The following INSR variants were observed in gnomAD, a reference collection of about 807,000 sequenced individuals.
INSR encodes IR.
In INSR, 67 loss-of-function variants were observed where a neutral mutation model predicts 142.6. That is an observed-to-expected ratio of 0.47 (90% CI 0.39 to 0.58). The LOEUF is 0.58. Ranked by LOEUF, INSR falls within the 20% of genes least tolerant of loss-of-function variation. INSR has a pLI of 0.00. For synonymous variants in INSR, 756 were observed against 743.1 expected (o/e 1.02, Z -0.28); for missense variants, 1,248 against 1,833.2 (o/e 0.68, Z 5.83).
intron 1 of INSR, among the ~76,000 whole-genome samples, chr19:7,276,028 AG>A (rs142637679): frequency 0.13 from 20,153 of 152,106 alleles, 1,478 homozygotes; most frequent in East Asian, 0.26. Flanking sequence ...TGAAAACAGC[AG>A]GGGAGATGGG....
At chr19:7,253,775 TC>T (rs1206397466) in intron 2 of INSR, among the ~76,000 whole-genome samples, 3 of 152,024 alleles carry the variant, frequency 2.0e-5, no homozygotes, top group African/African-American at 7.2e-5. Flanking sequence ...ACGCCTGTCA[TC>T]CCAACACTTT....
intron 1 of INSR, among the ~76,000 whole-genome samples, chr19:7,276,351 G>A (rs981787452): frequency 8.6e-5 from 13 of 152,020 alleles, no homozygotes; most frequent in Admixed American, 8.5e-4. Context: ...TCACCATGTT[G>A]CCCAGGCTGG....
chr19:7,283,436 G>A (rs1030677969), intron 1 of INSR, among the ~76,000 whole-genome samples: 1 of 151,966 alleles, frequency 6.6e-6, no homozygotes, highest in African/African-American at 2.4e-5. Context: ...CCACAGTTTT[G>A]TTTGGTTTGG....
At chr19:7,158,221 C>T (rs1465116420) in intron 9 of INSR, among the ~76,000 whole-genome samples, 2 of 151,872 alleles carry the variant, frequency 1.3e-5, no homozygotes, top group African/African-American at 2.4e-5. Flanking sequence ...GCATAATGGG[C>T]CAGGCGCGGT....
At chr19:7,261,922 T>A (rs192429039) in intron 2 of INSR, among the ~76,000 whole-genome samples, 50 of 152,282 alleles carry the variant, frequency 3.3e-4, no homozygotes, top group Non-Finnish European at 5.7e-4. Flanking sequence ...TCGGAATTGC[T>A]TAAACTAGGT....
intron 2 of INSR, among the ~76,000 whole-genome samples, chr19:7,251,146 T>C (rs980372446): frequency 6.6e-6 from 1 of 152,040 alleles, no homozygotes; most frequent in East Asian, 1.9e-4. Flanking sequence ...TCCCTGGAGT[T>C]GTGACAACCA....
intron 15 of INSR, among the ~76,000 whole-genome samples, chr19:7,126,878 G>GT (rs11292032): frequency 4.1e-4 from 61 of 149,354 alleles, no homozygotes; most frequent in African/African-American, 7.4e-4. Flanking sequence ...TCCCTGGGTG[G>GT]TTTTTTTTTT....
chr19:7,156,437 G>T (rs1238003560), intron 9 of INSR, among the ~76,000 whole-genome samples: 1 of 152,064 alleles, frequency 6.6e-6, no homozygotes, highest in Non-Finnish European at 1.5e-5. Context: ...CACCCAGGGG[G>T]TGATTTTGTC....
intron 2 of INSR, among the ~76,000 whole-genome samples, chr19:7,263,004 G>A (rs142701673): frequency 2.6e-5 from 4 of 152,240 alleles, no homozygotes; most frequent in South Asian, 2.1e-4. Flanking sequence ...GGGGCCAGGC[G>A]CGGTGGCACT....
chr19:7,192,102 G>C lies in INSR; in HGVS notation c.653-7465C>G, dbSNP rs1221647343. Among the ~76,000 whole-genome samples, 1 of 141,716 alleles carries C rather than the reference G, an allele frequency of 7.1e-6. No individual in the cohort carries two copies. The highest frequency in any genetic ancestry group is 1.5e-5 in the Non-Finnish European group (1 of 65,306). 93.0% of individuals were successfully genotyped at this position (141,716 alleles called of 152,430 possible). ...AGAGAAAGAAGAAAGAATACAGAAA[G>C]AGAAAAAAGAAAAGAAAGAGGGAGA... On this transcript the variant is annotated intron_variant, in intron 2 of 21. Transcript: ENST00000302850. The surrounding 1 kb of genome is among the most constrained non-coding windows in gnomAD (Gnocchi z 4.2).
intron 2 of INSR, among the ~76,000 whole-genome samples, chr19:7,223,851 T>C (rs975381507): frequency 2.6e-5 from 4 of 152,108 alleles, no homozygotes; most frequent in Non-Finnish European, 5.9e-5. Flanking sequence ...TATTCCCAGG[T>C]GCTTCAAAGC....
rs564974941 is a variant in INSR, at chr19:7,166,432, T to C, written c.1611-28A>G. ...TTCAAGACAAAACAGCAGAAGGCAG[T>C]TACCCTTACAAGACCGTCACACTGA... On this transcript the variant is annotated intron_variant, in intron 7 of 21. Transcript: ENST00000302850. This position sits in a 1 kb window ranked among gnomAD's most constrained non-coding sequence, Gnocchi z 4.1. 6.2e-7 allele frequency: 1 copy of C among 1,612,022 alleles called. No homozygotes were observed. Among genetic ancestry groups the C allele is most frequent in the African/African-American group, 1.3e-5 (1 of 75,018 alleles).
At chr19:7,237,374 G>A (rs533091845) in intron 2 of INSR, among the ~76,000 whole-genome samples, 70 of 150,696 alleles carry the variant, frequency 4.6e-4, no homozygotes, top group African/African-American at 1.5e-3. Context: ...AAAATTAGCC[G>A]GGCGTGGTGG....
At chr19:7,135,187 G>T (rs181412671) in intron 13 of INSR, among the ~76,000 whole-genome samples, 102 of 151,340 alleles carry the variant, frequency 6.7e-4, no homozygotes, top group Non-Finnish European at 4.1e-4. Flanking sequence ...GTGGGGGCAG[G>T]GAACTCCAGT....
intron 2 of INSR, among the ~76,000 whole-genome samples, chr19:7,230,989 G>A (rs11085220): frequency 0.062 from 9,479 of 152,136 alleles, 751 homozygotes; most frequent in East Asian, 0.22. Context: ...TGTCTACAGC[G>A]GAGCTGCGGC....
At chr19:7,242,080 G>C (rs1302325498) in intron 2 of INSR, among the ~76,000 whole-genome samples, 1 of 151,404 alleles carries the variant, frequency 6.6e-6, no homozygotes, top group African/African-American at 2.4e-5. Context: ...TTGAACTCAG[G>C]AGGCAGAAAT....
chr19:7,137,137 CTTTATT>C (rs1972949435), intron 13 of INSR, among the ~76,000 whole-genome samples: 1 of 151,904 alleles, frequency 6.6e-6, no homozygotes, highest in Non-Finnish European at 1.5e-5. Flanking sequence ...TGGCCTAAAA[CTTTATT>C]TTTATGTGCA....
chr19:7,125,675 G>C lies in INSR; in HGVS notation c.3014-148C>G. The C allele has an allele frequency of 9.4e-7, 1 of 1,068,876 alleles. No homozygotes were observed. Among genetic ancestry groups the C allele is most frequent in the African/African-American group, 1.6e-5 (1 of 64,284 alleles). The allele number at this position is 1,068,876 out of a possible 1,614,324, so 66.2% of individuals were successfully genotyped here. On this transcript the variant is annotated intron_variant, in intron 16 of 21. Transcript: ENST00000302850. This position sits in a 1 kb window ranked among gnomAD's most constrained non-coding sequence, Gnocchi z 4.9. ...GACCCATGCCGGGCACTGGGCATAT[G>C]GCCGAGAACAGGACAGGCATCTGCA...
intron 16 of INSR, 121 bp downstream of exon 16, chr19:7,126,463 G>T: frequency 1.1e-6 from 1 of 883,410 alleles, no homozygotes; most frequent in Non-Finnish European, 1.8e-6. Flanking sequence ...AAGCTCAAAT[G>T]AATAAGAGGG....
Sources: allele counts gnomAD v4.1 joint callset (sites outside exome capture counted in the v4.1 genomes callset), GRCh38; gene constraint gnomAD v4.1.1; non-coding constraint Gnocchi (gnomAD v3.1); transcripts MANE v1.5; gene names NCBI Gene and HGNC (gene_info 2026-07-23, HGNC 2026-07-21).